Variants in QRICH2 observed in about 807,000 individuals in gnomAD.
QRICH2 encodes the protein glutamine rich 2, also known as glutamine-rich protein 2.
In QRICH2, 119 loss-of-function variants were observed where a neutral mutation model predicts 168.3. The observed-to-expected ratio is 0.71, with a 90% confidence interval of 0.61 to 0.82. The LOEUF is 0.82. QRICH2 is among the 40% of genes least tolerant of loss of function. The pLI, the probability that QRICH2 is intolerant of heterozygous loss-of-function variation, is 0.00. For missense variants in QRICH2, 2,241 were observed against 2,491.6 expected, an observed-to-expected ratio of 0.90 and a Z score of 2.14; for synonymous variants, 894 against 951.2, an observed-to-expected ratio of 0.94 and a Z score of 1.11.
At chr17:76,304,582 T>C in intron 2 of QRICH2, 57 bp from the exon 3 acceptor site, 1 of 1,268,356 alleles carries the variant, frequency 7.9e-7, no homozygotes, top group Non-Finnish European at 1.1e-6. Context: ...CAAGCAGCTT[T>C]AGGAACAGAC....
At chr17:76,287,116 G>A in intron 7 of QRICH2, 76 bp downstream of exon 7, 1 of 854,596 alleles carries the variant, frequency 1.2e-6, no homozygotes, top group Non-Finnish European at 2.0e-6. Context: ...TTTTTGATGA[G>A]AGGTGGGAGG....
At chr17:76,301,703 ATTT>A (rs370779519) in intron 3 of QRICH2, among the ~76,000 whole-genome samples, 8 of 121,728 alleles carry the variant, frequency 6.6e-5, no homozygotes, top group African/African-American at 1.4e-4. Context: ...GTGTTTTATA[ATTT>A]TTTTTTTTTT....
chr17:76,304,786 T>C lies in QRICH2; in HGVS notation c.594+96A>G, dbSNP rs544248709. 5.6e-4 allele frequency: 523 copies of C among 932,554 alleles called. 9 individuals carry two copies. In the South Asian group the frequency reaches 6.6e-3, roughly 12 times the overall value. 57.8% of individuals were successfully genotyped at this position (932,554 alleles called of 1,614,324 possible). ...GACTTGAGAGGCAGAGGGCACACAC[T>C]GCCTGCCCTGGATGGACAAGCCCTG... is the stretch of plus-strand genomic sequence containing the variant. On this transcript the variant is annotated intron_variant, in intron 2 of 18. Transcript: ENST00000680821.
intron 7 of QRICH2, among the ~76,000 whole-genome samples, chr17:76,282,983 A>C (rs1230184394): frequency 1.3e-5 from 2 of 152,182 alleles, no homozygotes; most frequent in African/African-American, 4.8e-5. Flanking sequence ...AGAGGGACAC[A>C]GGTACCCACA....
intron 18 of QRICH2, 35 bp downstream of exon 18, chr17:76,275,784 G>A: frequency 1.3e-6 from 2 of 1,598,180 alleles, no homozygotes; most frequent in African/African-American, 1.3e-5. Flanking sequence ...CCAGCGGGGA[G>A]GCCTGGCAGG....
chr17:76,277,464 G>C (rs373689772), intron 15 of QRICH2, among the ~76,000 whole-genome samples, 154 bp from the exon 16 acceptor site: 1 of 152,012 alleles, frequency 6.6e-6, no homozygotes, highest in Non-Finnish European at 1.5e-5. Context: ...ACAGGCGGGC[G>C]GGGGTAGAGC....
intron 5 of QRICH2, among the ~76,000 whole-genome samples, chr17:76,289,111 A>G (rs1223690697): frequency 6.6e-6 from 1 of 151,846 alleles, no homozygotes; most frequent in Non-Finnish European, 1.5e-5. Context: ...CTCAAAAAAA[A>G]AAAAAAAGAA....
intron 7 of QRICH2, among the ~76,000 whole-genome samples, chr17:76,285,658 G>C (rs1166952372): frequency 6.6e-6 from 1 of 150,810 alleles, no homozygotes; most frequent in Non-Finnish European, 1.5e-5. Flanking sequence ...AGACCAGCCT[G>C]GCCAACATGG....
At chr17:76,287,385 G>T in intron 6 of QRICH2, 79 bp from the exon 7 acceptor site, 2 of 999,320 alleles carry the variant, frequency 2.0e-6, no homozygotes, top group South Asian at 1.3e-5. Context: ...AGGGACGCAG[G>T]GGGATGCAGA....
At chr17:76,304,989 G>A (rs8068763) in intron 1 of QRICH2, 48 bp from the exon 2 acceptor site, 61,930 of 1,288,338 alleles carry the variant, frequency 0.048, 4,893 homozygotes, top group African/African-American at 0.35. Context: ...CCCTACACAC[G>A]CACACTCACA....
In QRICH2 at chr17:76,286,000, G is replaced by A. The variant is rs553816891; in HGVS notation, c.4011+1192C>T. On this transcript the variant is annotated intron_variant, in intron 7 of 18. Coordinates refer to ENST00000680821, the MANE Select transcript of QRICH2 (RefSeq NM_001388453.1). ...ATCCTGGCTAACACAGTGAAACCCC[G>A]TCTCTGCTAAAAATATTTTGAAAAA... Among the ~76,000 whole-genome samples, 34 of 151,894 alleles carry A rather than the reference G, an allele frequency of 2.2e-4. 1 individual carries two copies. The highest frequency in any genetic ancestry group is 3.5e-4 in the Non-Finnish European group (24 of 67,976).
At chr17:76,282,447 C>A (rs184415674) in intron 7 of QRICH2, among the ~76,000 whole-genome samples, 1 of 152,346 alleles carries the variant, frequency 6.6e-6, no homozygotes, top group East Asian at 1.9e-4. Context: ...GTTAGCCGGG[C>A]CATAAACACA....
At chr17:76,299,706 C>T (rs1414455635) in intron 3 of QRICH2, among the ~76,000 whole-genome samples, 1 of 151,918 alleles carries the variant, frequency 6.6e-6, no homozygotes, top group East Asian at 1.9e-4. Flanking sequence ...CACTGCACTC[C>T]AGCATGGGCG....
chr17:76,304,588 C>G (rs1271132113), intron 2 of QRICH2, 63 bp from the exon 3 acceptor site: 1 of 1,201,420 alleles, frequency 8.3e-7, no homozygotes, highest in Non-Finnish European at 1.2e-6. Flanking sequence ...GCTTTAGGAA[C>G]AGACTTGGTC....
Position 76,303,742 on chromosome 17 carries a change from G to A in QRICH2, c.705+673C>T, listed in dbSNP as rs551868014. On this transcript the variant is annotated intron_variant, in intron 3 of 18. Coordinates refer to ENST00000680821, the MANE Select transcript of QRICH2 (RefSeq NM_001388453.1). The stretch of plus-strand genomic sequence containing the variant: ...AAAGAAATTAGCCAGGCGTGGTGGT[G>A]GGCGCCTGTAGTCCCAGCTACTCTG... Among the ~76,000 whole-genome samples the A allele has an allele frequency of 6.6e-5, 10 of 151,932 alleles. No homozygotes were observed. The East Asian group carries it at 1.2e-3, about 18-fold the overall frequency.
rs2070664961 is a variant in QRICH2 at position 76,275,809 on chromosome 17, G to A, written c.5482+10C>T. 2 of 1,603,954 alleles carry A rather than the reference G, an allele frequency of 1.2e-6. No homozygotes were observed. The highest frequency in any genetic ancestry group is 1.7e-6 in the Non-Finnish European group (2 of 1,179,390). ...GGCCTGGCAGGACGCCCCACCCAGA[G>A]GGAAGCTACCTGAGGTGTTGCCAGC... On this transcript the variant is annotated intron_variant, in intron 18 of 18. Coordinates refer to ENST00000680821, the MANE Select transcript of QRICH2 (RefSeq NM_001388453.1).
intron 3 of QRICH2, among the ~76,000 whole-genome samples, chr17:76,295,715 T>C (rs1291111468): frequency 2.0e-5 from 3 of 152,172 alleles, no homozygotes; most frequent in South Asian, 2.1e-4. Flanking sequence ...AGGAATTTTC[T>C]CTATGAATCC....
chr17:76,289,273 C>G (rs1367913970), intron 5 of QRICH2, among the ~76,000 whole-genome samples: 1 of 152,012 alleles, frequency 6.6e-6, no homozygotes, highest in Non-Finnish European at 1.5e-5. Context: ...ACTGCAGCCT[C>G]AAACTCAGGC....
In QRICH2 at chr17:76,304,525, C is replaced by T; in HGVS notation, c.595G>A (p.Glu199Lys). Residue 199 changes from glutamate (E) to lysine (K), a missense_variant and splice_region_variant, in exon 3 of 19, where the codon GAA becomes AAA. Glu to Lys is a moderately conservative substitution (Grantham distance 56). Around this residue, in one of 3 missense-constraint regions of QRICH2, gnomAD observed 2,047 missense variants for 2,303.8 expected, o/e 0.89. Transcript: ENST00000680821. Reference sequence around the variant, plus strand: ...AAACTCAGCTTCCGGCTGACTAGTTCCTGACAGTGACAGAAAAGACACACA... The same window carrying T: ...AAACTCAGCTTCCGGCTGACTAGTTTCTGACAGTGACAGAAAAGACACACA... ...KLFKDREQFL[E>K]LVSRKLSLVP... 1 of 1,607,070 alleles carries T rather than the reference C, an allele frequency of 6.2e-7. No individual in the cohort carries two copies. The highest frequency in any genetic ancestry group is 8.5e-7 in the Non-Finnish European group (1 of 1,174,746).
Sources: allele counts gnomAD v4.1 joint callset (sites outside exome capture counted in the v4.1 genomes callset), GRCh38; gene constraint gnomAD v4.1.1; regional missense constraint gnomAD v4.1.1; transcripts MANE v1.5; gene names NCBI Gene and HGNC (gene_info 2026-07-23, HGNC 2026-07-21).